The following MYBBP1A variants were observed in gnomAD, a reference collection of about 807,000 sequenced individuals.
The protein encoded by MYBBP1A is myb-binding protein 1A.
MYBBP1A carries 147 observed loss-of-function variants against 136.3 expected under a neutral mutation model. The observed-to-expected ratio is 1.08, with a 90% CI of 0.94 to 1.24. MYBBP1A has a LOEUF of 1.24. Ranked by LOEUF, MYBBP1A falls within the 50% of genes most tolerant of loss-of-function variation. The probability of loss-of-function intolerance (pLI) is 0.00; values close to 1 mark genes in which losing one functional copy is unlikely to be tolerated. For synonymous variants in MYBBP1A, 947 were observed against 735.8 expected, an observed-to-expected ratio of 1.29 and a Z score of -4.65; for missense variants, 2,060 against 1,727.4, an observed-to-expected ratio of 1.19 and a Z score of -3.41.
intron 19 of MYBBP1A, 121 bp from the exon 20 acceptor site, chr17:4,543,286 G>A (rs903392155): frequency 4.4e-5 from 60 of 1,360,270 alleles, no homozygotes; most frequent in Admixed American, 1.6e-4. Context: ...CGACAGAGGC[G>A]ACCCAGGCCA....
Position 4,545,827 on chromosome 17 carries a change from C to A in MYBBP1A, c.1921+19G>T. 1 of 1,612,198 alleles carries A rather than the reference C, an allele frequency of 6.2e-7. No homozygotes were observed. Reference sequence around the variant, plus strand: ...GCCCCACCCCACCACTCTAGTCCCTCTCGTGACCAAGGACCCACCGATGGT... The same window carrying A: ...GCCCCACCCCACCACTCTAGTCCCTATCGTGACCAAGGACCCACCGATGGT... On this transcript the variant is annotated intron_variant, in intron 14 of 25. Transcript: ENST00000254718.
chr17:4,544,940 G>A lies in MYBBP1A; in HGVS notation c.2311-19C>T, dbSNP rs1303433725. ...CTCCACCCTGAGGGACAGAGGCCCA[G>A]CGGTCAGCCAGGCCTCGGGCAGGCA... On this transcript the variant is annotated intron_variant, in intron 17 of 25. Transcript: ENST00000254718. 6.3e-7 allele frequency: 1 copy of A among 1,590,058 alleles called. No homozygotes were observed. Among genetic ancestry groups the A allele is most frequent in the Non-Finnish European group, 8.6e-7 (1 of 1,167,012 alleles).
rs201681236 is a variant in MYBBP1A at position 4,539,607 on chromosome 17, G to A, written c.3795C>T (p.Pro1265=). Residue 1265 remains proline (P), a synonymous_variant, in exon 26 of 26, where the codon CCC becomes CCT. Transcript: ENST00000254718. ...GGCCTGCAGGTTCCGTGGGGGACCC[G>A]GGAGCTCCATTCACCTGGGACGGCT... ...NQKPSQVNGA[P]GSPTEPAGQK... 1.9e-4 allele frequency: 314 copies of A among 1,614,062 alleles called. No individual in the cohort carries two copies. Among genetic ancestry groups the A allele is most frequent in the Non-Finnish European group, 2.4e-4 (284 of 1,180,022 alleles).
rs1417061350 is a variant in MYBBP1A, at chr17:4,540,470, G to A, written c.3312C>T (p.Asp1104=). Reference sequence around the variant, plus strand: ...GCAGCACACCCAGGAGCACCGTCAGGTCCAAGGTCAGCTTCTGCAGAGGGT... The same window carrying A: ...GCAGCACACCCAGGAGCACCGTCAGATCCAAGGTCAGCTTCTGCAGAGGGT... ...RTCKHEKLTL[D]LTVLLGVLQG... is the part of the protein sequence containing the mutation. The change falls in exon 25 of 26, where the codon GAC becomes GAT. Residue 1104 remains aspartate (D), a synonymous_variant. Coordinates refer to ENST00000254718, the MANE Select transcript of MYBBP1A (RefSeq NM_014520.4). The A allele has an allele frequency of 1.9e-6, 3 of 1,609,492 alleles. No individual in the cohort carries two copies. The highest frequency in any genetic ancestry group is 3.3e-5 in the Admixed American group (2 of 59,886).
intron 2 of MYBBP1A, 82 bp from the exon 3 acceptor site, chr17:4,554,360 C>G (rs1285702569): frequency 2.4e-6 from 3 of 1,225,736 alleles, no homozygotes; most frequent in Non-Finnish European, 3.5e-6. Context: ...CCTCCCTTCC[C>G]CCTTCAACTT....
intron 5 of MYBBP1A, 39 bp downstream of exon 5, chr17:4,553,771 A>G (rs973281222): frequency 2.0e-6 from 3 of 1,534,314 alleles, no homozygotes; most frequent in Non-Finnish European, 2.7e-6. Flanking sequence ...TCTCTGTAAC[A>G]AAGTGTTGCC....
At position 4,542,983 on chromosome 17, in the gene MYBBP1A, C is replaced by A. The variant is rs568450793; in HGVS notation, c.2822G>T (p.Gly941Val). 1.2e-6 allele frequency: 2 copies of A among 1,613,964 alleles called. No individual in the cohort carries two copies. The highest frequency in any genetic ancestry group is 1.7e-6 in the Non-Finnish European group (2 of 1,180,000). Reference sequence around the variant, plus strand: ...CTTCTCCTGTGTCTCATGCACGCAGCCCTCAGCAGTGTTGCCCTTCAAGAC... The same window carrying A: ...CTTCTCCTGTGTCTCATGCACGCAGACCTCAGCAGTGTTGCCCTTCAAGAC... ...LRVLKGNTAEGCVHETQEKQK... is the reference protein window; with the variant it reads ...LRVLKGNTAEVCVHETQEKQK... The change falls in exon 20 of 26, where the codon GGC becomes GTC. Residue 941 changes from glycine (G) to valine (V), a missense_variant. Physicochemically the swap from Gly to Val is moderately radical, Grantham distance 109 (BLOSUM62 -3). Coordinates refer to ENST00000254718, the MANE Select transcript of MYBBP1A (RefSeq NM_014520.4).
chr17:4,545,140 T>A lies in MYBBP1A; in HGVS notation c.2196A>T (p.Ser732=), dbSNP rs772779061. 14 of 1,613,186 alleles carry A rather than the reference T, an allele frequency of 8.7e-6. No homozygotes were observed. Among genetic ancestry groups the A allele is most frequent in the African/African-American group, 1.3e-5 (1 of 74,900 alleles). The change falls in exon 17 of 26, where the codon TCA becomes TCT. Residue 732 remains serine (S), a synonymous_variant. Coordinates refer to ENST00000254718, the MANE Select transcript of MYBBP1A (RefSeq NM_014520.4). ...KSEEGEDNRS[S]ESEEESEGEE... is the part of the protein sequence containing the mutation. ...CCCCCTCGCTCTCCTCTTCACTCTC[T>A]GAGCTTCTGTTGTCCTCACCTTCCT...
chr17:4,542,001 G>A, intron 22 of MYBBP1A, 110 bp from the exon 23 acceptor site: 1 of 766,088 alleles, frequency 1.3e-6, no homozygotes, highest in Non-Finnish European at 2.1e-6. Context: ...GGCAGCGTGT[G>A]AGGCTGCCTG....
In MYBBP1A at chr17:4,542,518, G is replaced by T. The variant is rs778450619; in HGVS notation, c.3033C>A (p.Ser1011Arg). The T allele has an allele frequency of 6.2e-7, 1 of 1,612,568 alleles. No individual in the cohort carries two copies. Among genetic ancestry groups the T allele is most frequent in the Admixed American group, 1.7e-5 (1 of 59,922 alleles). Reference sequence around the variant, plus strand: ...TATGCTGGACCAGGATGGGGAGCAGGCTCTGACAGAGCACCTGGTGGGGAG... The same window carrying T: ...TATGCTGGACCAGGATGGGGAGCAGTCTCTGACAGAGCACCTGGTGGGGAG... ...LFSRHPVLCQSLLPILVQHIT... is the reference protein window; with the variant it reads ...LFSRHPVLCQRLLPILVQHIT... Residue 1011 changes from serine to arginine, a missense_variant, in exon 22 of 26, where the codon AGC (serine) becomes AGA (arginine). Coordinates refer to ENST00000254718, the MANE Select transcript of MYBBP1A (RefSeq NM_014520.4).
chr17:4,542,118 G>A (rs1906489902), intron 22 of MYBBP1A: 2 of 589,114 alleles, frequency 3.4e-6, no homozygotes, highest in South Asian at 4.2e-5. Flanking sequence ...GACAATTCCT[G>A]CCCATTATTG....
chr17:4,552,060 A>C lies in MYBBP1A; in HGVS notation c.906-63T>G. The C allele has an allele frequency of 6.3e-7, 1 of 1,596,342 alleles. No homozygotes were observed. Among genetic ancestry groups the C allele is most frequent in the Non-Finnish European group, 8.6e-7 (1 of 1,169,108 alleles). ...TGGTGCCCCTGGTGGGAACCTCAGGACTAGTGGCCTAGCCCACTTCACGGA... is the reference window on the plus strand; with the variant it reads ...TGGTGCCCCTGGTGGGAACCTCAGGCCTAGTGGCCTAGCCCACTTCACGGA... On this transcript the variant is annotated intron_variant, in intron 7 of 25. Coordinates refer to ENST00000254718, the MANE Select transcript of MYBBP1A (RefSeq NM_014520.4). The surrounding 1 kb of genome is among the most constrained non-coding windows in gnomAD (Gnocchi z 4.7).
At position 4,548,519 on chromosome 17, in the gene MYBBP1A, C is replaced by T. The variant is rs1458412512; in HGVS notation, c.1556+5G>A. 3 of 1,614,004 alleles carry T rather than the reference C, an allele frequency of 1.9e-6. No homozygotes were observed. Among genetic ancestry groups the T allele is most frequent in the African/African-American group, 1.3e-5 (1 of 75,074 alleles). Reference sequence around the variant, plus strand: ...CGGACCTCTCCTGGGCTGCCCAAGACTCACCTGAAGAAGGCACTGCTGACA... The same window carrying T: ...CGGACCTCTCCTGGGCTGCCCAAGATTCACCTGAAGAAGGCACTGCTGACA... On this transcript the variant is annotated splice_donor_5th_base_variant and intron_variant, in intron 11 of 25. Transcript: ENST00000254718. This position sits in a 1 kb window ranked among gnomAD's most constrained non-coding sequence, Gnocchi z 4.2.
At position 4,541,775 on chromosome 17, in the gene MYBBP1A, G is replaced by A. The variant is rs376880467; in HGVS notation, c.3195+9C>T. On this transcript the variant is annotated intron_variant, in intron 23 of 25. Transcript: ENST00000254718. The stretch of plus-strand genomic sequence containing the variant: ...AGGGGGTGGGGAAAGGGCGCCCCCC[G>A]GCTGTTACCTCGGTGACCTTTGCTA... 5.8e-5 allele frequency: 94 copies of A among 1,611,478 alleles called. No individual in the cohort carries two copies. Among genetic ancestry groups the A allele is most frequent in the East Asian group, 3.3e-4 (15 of 44,892 alleles).
At chr17:4,555,068 C>T in intron 1 of MYBBP1A, 59 bp downstream of exon 1, 1 of 1,571,606 alleles carries the variant, frequency 6.4e-7, no homozygotes, top group Non-Finnish European at 8.6e-7. Context: ...CTCCCTGGGC[C>T]CGCCGCCGCT....
rs375894387 is a variant in MYBBP1A at position 4,552,471 on chromosome 17, G to C, written c.717C>G (p.Phe239Leu). The change falls in exon 6 of 26, where the codon TTC (phenylalanine) becomes TTG (leucine). Residue 239 changes from phenylalanine (F) to leucine (L), a missense_variant. Physicochemically the swap from Phe to Leu is conservative, Grantham distance 22. Transcript: ENST00000254718. This position sits in a 1 kb window ranked among gnomAD's most constrained non-coding sequence, Gnocchi z 4.7. ...LKKLVGSVNL[F>L]SDENVPRLVN... ...CACACCTGGGGACATTCTCATCTGAGAATAGGTTCACGGATCCCACCAGCT... is the reference window on the plus strand; with the variant it reads ...CACACCTGGGGACATTCTCATCTGACAATAGGTTCACGGATCCCACCAGCT... 1 of 1,613,418 alleles carries C rather than the reference G, an allele frequency of 6.2e-7. No homozygotes were observed. Among genetic ancestry groups the C allele is most frequent in the Non-Finnish European group, 8.5e-7 (1 of 1,180,032 alleles).
chr17:4,538,956 C>CTGAT lies in MYBBP1A; in HGVS notation c.*455_*458dup, dbSNP rs1305464855. The CTGAT allele has an allele frequency of 3.8e-6, 3 of 785,796 alleles. No individual in the cohort carries two copies. Among genetic ancestry groups the CTGAT allele is most frequent in the East Asian group, 2.4e-5 (1 of 41,296 alleles). 48.7% of individuals were successfully genotyped at this position (785,796 alleles called of 1,614,324 possible). ...ACTGCTCCTTTATTTTTTAGAGCTG[C>CTGAT]TGATTGTGAATCTCAGAGTCTTAAG... On this transcript the variant is annotated 3_prime_UTR_variant, in exon 26 of 26. Transcript: ENST00000254718.
intron 9 of MYBBP1A, among the ~76,000 whole-genome samples, chr17:4,549,655 T>TA (rs1380659552): frequency 6.6e-6 from 1 of 151,974 alleles, no homozygotes; most frequent in African/African-American, 2.4e-5. Flanking sequence ...CGGGTGCCTG[T>TA]AGTCCCAGCT....
At chr17:4,540,228 AGCAGCATGCGTGT>A (rs1233542357) in intron 25 of MYBBP1A, 107 bp downstream of exon 25, 6 of 1,372,086 alleles carry the variant, frequency 4.4e-6, no homozygotes, top group East Asian at 4.8e-5. Flanking sequence ...ATGTGTGTGC[AGCAGCATGCGTGT>A]GCAGTGTGCG....
Sources: gnomAD v4.1 joint callset for allele counts (sites outside exome capture counted in the v4.1 genomes callset) on GRCh38, gnomAD v4.1.1 for gene constraint, Gnocchi (gnomAD v3.1) non-coding constraint, MANE v1.5 for transcripts, NCBI Gene and HGNC (gene_info 2026-07-23, HGNC 2026-07-21) for gene names.